ANK2: variants seen among roughly 807,000 people sequenced by gnomAD.
ANK2 encodes the protein ankyrin 2, also known as ankyrin-2.
Under a neutral mutation model 360.5 loss-of-function variants are expected in ANK2, and 83 were observed. The ratio of observed to expected loss-of-function variants is 0.23; its 90% CI spans 0.19 to 0.28. The LOEUF (loss-of-function observed/expected upper bound fraction) is 0.28. Ranked by LOEUF, ANK2 falls within the 10% of genes least tolerant of loss-of-function variation. The pLI is 1.00. For synonymous variants in ANK2, 1,740 were observed against 1,759.5 expected (o/e 0.99, Z 0.28); for missense variants, 4,201 against 4,795.7 (o/e 0.88, Z 3.66).
At chr4:112,964,799 G>A (rs1489923352) in intron 2 of ANK2, among the ~76,000 whole-genome samples, 1 of 152,074 alleles carries the variant, frequency 6.6e-6, no homozygotes, top group Non-Finnish European at 1.5e-5. Flanking sequence ...TCGATCTCAT[G>A]ACCTCGTGAT....
chr4:113,178,653 A>G (rs1038988870), intron 2 of ANK2, among the ~76,000 whole-genome samples: 1 of 152,094 alleles, frequency 6.6e-6, no homozygotes, highest in African/African-American at 2.4e-5. Context: ...TCAAGACAGT[A>G]TATTAATTAA....
intron 1 of ANK2, among the ~76,000 whole-genome samples, chr4:113,105,593 A>G (rs2093514827): frequency 6.6e-6 from 1 of 152,236 alleles, no homozygotes; most frequent in African/African-American, 2.4e-5. Context: ...TCAAACACAC[A>G]TTAAATCATT....
chr4:113,019,674 A>G (rs2057550223), intron 2 of ANK2, among the ~76,000 whole-genome samples: 1 of 152,132 alleles, frequency 6.6e-6, no homozygotes, highest in Non-Finnish European at 1.5e-5. Context: ...AATCAACAAA[A>G]TTTCAGTACT....
intron 1 of ANK2, among the ~76,000 whole-genome samples, chr4:113,118,153 A>C (rs943234803): frequency 1.2e-4 from 19 of 152,362 alleles, no homozygotes; most frequent in African/African-American, 4.3e-4. Flanking sequence ...TTTATAATAG[A>C]AATAATCTTA....
chr4:113,176,707 G>A (rs1340579493), intron 2 of ANK2, among the ~76,000 whole-genome samples: 4 of 151,388 alleles, frequency 2.6e-5, no homozygotes, highest in East Asian at 1.9e-4. Context: ...GCATACATGC[G>A]CCATGTTGGT....
At position 112,845,671 on chromosome 4, in the gene ANK2, C is replaced by T. The variant is rs2063131156; in HGVS notation, c.-40+27407C>T. ...CTTCTGGGAAATTAACTGACATTCA[C>T]TTCCCTTCCTTTGTGTCTGTGTGGG... On this transcript the variant is annotated intron_variant, in intron 1 of 30. Transcript: ENST00000503271. Among the ~76,000 whole-genome samples, 4 of 152,216 alleles carry T rather than the reference C, an allele frequency of 2.6e-5. No individual in the cohort carries two copies. The South Asian group carries it at 8.3e-4, about 32-fold the overall frequency.
chr4:113,364,587 A>T (rs1416877594), intron 40 of ANK2, among the ~76,000 whole-genome samples: 1 of 152,114 alleles, frequency 6.6e-6, no homozygotes, highest in African/African-American at 2.4e-5. Flanking sequence ...TGCTTCCTTT[A>T]CTCATAAATA....
chr4:112,892,316 TA>T (rs1275810552), intron 1 of ANK2, among the ~76,000 whole-genome samples: 3 of 152,230 alleles, frequency 2.0e-5, no homozygotes, highest in Non-Finnish European at 2.9e-5. Context: ...GGAATTAGAC[TA>T]ACTTTATTAA....
chr4:112,875,520 A>G (rs1359881597), intron 1 of ANK2, among the ~76,000 whole-genome samples: 2 of 150,852 alleles, frequency 1.3e-5, no homozygotes, highest in East Asian at 1.9e-4. Context: ...TTATTTGTAG[A>G]GATGAGAATC....
At chr4:113,361,506 T>TA (rs2096224378) in intron 39 of ANK2, among the ~76,000 whole-genome samples, 1 of 151,772 alleles carries the variant, frequency 6.6e-6, no homozygotes, top group South Asian at 2.1e-4. Context: ...ACTTGTGACT[T>TA]AACCTATTAA....
chr4:113,378,222 ATAAAAATTTTTCCAATTT>A, intron 45 of ANK2: 1 of 1,039,174 alleles, frequency 9.6e-7, no homozygotes, highest in South Asian at 1.4e-5. Context: ...AACTAACACC[ATAAAAATTTTTCCAATTT>A]TAAGAAAAGA....
In ANK2 at chr4:113,369,596, G is replaced by A; in HGVS notation, c.11401G>A (p.Val3801Ile). The stretch of plus-strand genomic sequence containing the variant: ...CTCTCCCAGCAAGACACCTGAGGAA[G>A]TTAGCACCCCTGCAGAGGAGGAGAA... ...PSSPSKTPEEVSTPAEEEKLY... is the reference protein window; with the variant it reads ...PSSPSKTPEEISTPAEEEKLY... Residue 3801 changes from valine to isoleucine, a missense_variant, in exon 43 of 46, where the codon GTT (valine) becomes ATT (isoleucine). This residue lies in a region of ANK2 where 2,642 missense variants were observed against 2,714.5 expected (regional missense o/e 0.97). Transcript: ENST00000357077. 1 of 1,614,146 alleles carries A rather than the reference G, an allele frequency of 6.2e-7. No individual in the cohort carries two copies. The highest frequency in any genetic ancestry group is 8.5e-7 in the Non-Finnish European group (1 of 1,180,010).
Position 113,381,527 on chromosome 4 carries a change from T to G in ANK2, c.*56T>G, listed in dbSNP as rs1352038903. On this transcript the variant is annotated 3_prime_UTR_variant, in exon 46 of 46. Coordinates refer to ENST00000357077, the MANE Select transcript of ANK2 (RefSeq NM_001148.6). Reference sequence around the variant, plus strand: ...GGACCAGCATGGAAAACGCATTGACTTGGAGCACCTGGAGGATGTACCAGA... The same window carrying G: ...GGACCAGCATGGAAAACGCATTGACGTGGAGCACCTGGAGGATGTACCAGA... 1 of 1,613,796 alleles carries G rather than the reference T, an allele frequency of 6.2e-7. No homozygotes were observed. The highest frequency in any genetic ancestry group is 1.7e-5 in the Admixed American group (1 of 59,988).
chr4:113,332,969 A>T, intron 28 of ANK2, 85 bp from the exon 29 acceptor site: 1 of 1,589,916 alleles, frequency 6.3e-7, no homozygotes. Context: ...GAAGAATTCC[A>T]GGTCACTTTG....
chr4:113,313,974 G>C (rs1197550156), intron 24 of ANK2, among the ~76,000 whole-genome samples: 1 of 152,124 alleles, frequency 6.6e-6, no homozygotes, highest in Non-Finnish European at 1.5e-5. Context: ...AACAATCACT[G>C]CTGCACCTGT....
chr4:112,828,191 C>A (rs919391896), intron 1 of ANK2, among the ~76,000 whole-genome samples: 1 of 147,678 alleles, frequency 6.8e-6, no homozygotes, highest in African/African-American at 2.5e-5. Flanking sequence ...TGACTCCTTT[C>A]TTTCACCATA....
At chr4:113,041,517 T>A (rs1305370178) in intron 2 of ANK2, among the ~76,000 whole-genome samples, 1 of 152,224 alleles carries the variant, frequency 6.6e-6, no homozygotes, top group East Asian at 1.9e-4. Flanking sequence ...TCCCTGAAAC[T>A]TCAGAGGAAG....
chr4:112,853,978 A>T (rs2065687860), intron 1 of ANK2, among the ~76,000 whole-genome samples: 1 of 152,232 alleles, frequency 6.6e-6, no homozygotes, highest in African/African-American at 2.4e-5. Flanking sequence ...GAGTTATTGA[A>T]ATGATTTATT....
chr4:113,012,089 T>G (rs2054931035), intron 2 of ANK2, among the ~76,000 whole-genome samples: 2 of 152,090 alleles, frequency 1.3e-5, no homozygotes, highest in South Asian at 4.1e-4. Context: ...GCCTTTACAC[T>G]TGATCCTCCA....
Sources: gnomAD v4.1 joint callset for allele counts (sites outside exome capture counted in the v4.1 genomes callset) on GRCh38, gnomAD v4.1.1 for gene constraint, gnomAD v4.1.1 regional missense constraint, MANE v1.5 for transcripts, NCBI Gene and HGNC (gene_info 2026-07-23, HGNC 2026-07-21) for gene names.